Variants in TOR1AIP1 observed in about 807,000 individuals in gnomAD.
TOR1AIP1 encodes torsin-1A-interacting protein 1.
TOR1AIP1 carries 54 observed loss-of-function variants against 63.3 expected under a neutral mutation model. The observed-to-expected ratio is 0.85, with a 90% CI of 0.69 to 1.07. TOR1AIP1 has a LOEUF of 1.07. TOR1AIP1 is among the 50% of genes least tolerant of loss of function. The pLI is 0.00. For missense variants in TOR1AIP1, 736 were observed against 715.0 expected (o/e 1.03, Z -0.33); for synonymous variants, 294 against 273.5 (o/e 1.07, Z -0.74).
chr1:179,891,222 T>C (rs1648067001), intron 3 of TOR1AIP1, among the ~76,000 whole-genome samples: 2 of 152,094 alleles, frequency 1.3e-5, no homozygotes, highest in Non-Finnish European at 2.9e-5. Context: ...TTGATTTATT[T>C]TTTGTTTTTG....
At position 179,917,852 on chromosome 1, in the gene TOR1AIP1, T is replaced by A; in HGVS notation, c.1365T>A (p.Asp455Glu). ...CAGATAAAGCTACTCAAGACAGTGATACTGTCAAACTAGAGGTAGACCAAG... is the reference window on the plus strand; with the variant it reads ...CAGATAAAGCTACTCAAGACAGTGAAACTGTCAAACTAGAGGTAGACCAAG... Reference protein sequence around the residue: ...DGTDKATQDSDTVKLEVDQEL... With the variant: ...DGTDKATQDSETVKLEVDQEL... The change falls in exon 10 of 10, where the codon GAT (aspartate) becomes GAA (glutamate). Residue 455 changes from aspartate to glutamate, a missense_variant. Coordinates refer to ENST00000606911, the MANE Select transcript of TOR1AIP1 (RefSeq NM_015602.4). 1 of 1,614,200 alleles carries A rather than the reference T, an allele frequency of 6.2e-7. No individual in the cohort carries two copies. The highest frequency in any genetic ancestry group is 1.1e-5 in the South Asian group (1 of 91,080).
At chr1:179,890,911 C>T (rs1231990634) in intron 3 of TOR1AIP1, among the ~76,000 whole-genome samples, 2 of 152,226 alleles carry the variant, frequency 1.3e-5, no homozygotes, top group Admixed American at 6.5e-5. Context: ...TGCACAACTG[C>T]GCCCAACCCT....
intron 8 of TOR1AIP1, among the ~76,000 whole-genome samples, chr1:179,910,760 C>G (rs1373020076): frequency 6.6e-6 from 1 of 152,154 alleles, no homozygotes; most frequent in Admixed American, 6.5e-5. Flanking sequence ...TCAGAGGCAT[C>G]TTGTGTCATT....
At chr1:179,900,079 T>A (rs1420622341) in intron 3 of TOR1AIP1, 47 bp from the exon 4 acceptor site, 1 of 1,450,606 alleles carries the variant, frequency 6.9e-7, no homozygotes, top group Non-Finnish European at 9.6e-7. Context: ...AAGCTTTAAC[T>A]TTTGATGTTA....
intron 3 of TOR1AIP1, among the ~76,000 whole-genome samples, chr1:179,897,003 A>C (rs961828176): frequency 5.3e-5 from 8 of 152,210 alleles, no homozygotes; most frequent in African/African-American, 1.9e-4. Flanking sequence ...TTTAAGATCT[A>C]ATTCATAGAT....
chr1:179,914,382 A>G (rs1648926326), intron 9 of TOR1AIP1, among the ~76,000 whole-genome samples: 1 of 152,230 alleles, frequency 6.6e-6, no homozygotes, highest in African/African-American at 2.4e-5. Context: ...TGGGATTACA[A>G]TGGCTTTCGG....
intron 8 of TOR1AIP1, among the ~76,000 whole-genome samples, chr1:179,909,627 A>G (rs1473208899): frequency 6.6e-6 from 1 of 151,958 alleles, no homozygotes; most frequent in African/African-American, 2.4e-5. Context: ...TAGTAGAGAC[A>G]GGGTTTCACC....
Position 179,917,466 on chromosome 1 carries a change from C to T in TOR1AIP1, c.979C>T (p.Pro327Ser), listed in dbSNP as rs1425717250. Residue 327 changes from proline to serine, a missense_variant, in exon 10 of 10, where the codon CCC (proline) becomes TCC (serine). Physicochemically the swap from Pro to Ser is moderately conservative, Grantham distance 74. Around this residue, in one of 2 missense-constraint regions of TOR1AIP1, gnomAD observed 272 missense variants for 344.1 expected, o/e 0.79. Coordinates refer to ENST00000606911, the MANE Select transcript of TOR1AIP1 (RefSeq NM_015602.4). ...TGTCTGAGTAGAAGTGACTGGACAA[C>T]CCCAAAATGCATCTTTTGTCAAGAG... ...STSSRQVTGQ[P>S]QNASFVKRNR... 6.2e-7 allele frequency: 1 copy of T among 1,612,188 alleles called. No homozygotes were observed. Among genetic ancestry groups the T allele is most frequent in the East Asian group, 2.2e-5 (1 of 44,890 alleles).
intron 1 of TOR1AIP1, 127 bp from the exon 2 acceptor site, chr1:179,884,565 A>C: frequency 1.4e-6 from 1 of 694,936 alleles, no homozygotes; most frequent in Non-Finnish European, 2.3e-6. Context: ...AAACCTAACC[A>C]CCTGTTTCTA....
At position 179,917,660 on chromosome 1, in the gene TOR1AIP1, A is replaced by G; in HGVS notation, c.1173A>G (p.Gln391=). The change falls in exon 10 of 10, where the codon CAA becomes CAG. Residue 391 remains glutamine (Q), a synonymous_variant. Coordinates refer to ENST00000606911, the MANE Select transcript of TOR1AIP1 (RefSeq NM_015602.4). ...GQDEKLWKRS[Q]TFLEKHLNSS... is the part of the protein sequence containing the mutation. ...ATGAGAAGCTGTGGAAAAGGAGCCA[A>G]ACATTCCTGGAAAAACATCTTAATA... 3.1e-6 allele frequency: 5 copies of G among 1,614,224 alleles called. No individual in the cohort carries two copies. The highest frequency in any genetic ancestry group is 4.2e-6 in the Non-Finnish European group (5 of 1,180,044).
intron 9 of TOR1AIP1, among the ~76,000 whole-genome samples, chr1:179,915,527 G>A (rs945171120): frequency 3.3e-5 from 5 of 152,232 alleles, no homozygotes; most frequent in African/African-American, 7.2e-5. Flanking sequence ...AGGCCCAGGC[G>A]GATGGATCAC....
At chr1:179,896,256 T>G (rs1206770537) in intron 3 of TOR1AIP1, among the ~76,000 whole-genome samples, 2 of 152,300 alleles carry the variant, frequency 1.3e-5, no homozygotes, top group African/African-American at 4.8e-5. Context: ...TAAAATCTAT[T>G]TTATTCATGG....
chr1:179,911,184 G>A (rs933056035), intron 8 of TOR1AIP1, among the ~76,000 whole-genome samples: 2 of 152,194 alleles, frequency 1.3e-5, no homozygotes, highest in African/African-American at 2.4e-5. Context: ...AAGATAGAAC[G>A]ATGAGCAAGA....
intron 3 of TOR1AIP1, among the ~76,000 whole-genome samples, chr1:179,896,557 T>G: frequency 6.6e-6 from 1 of 151,948 alleles, no homozygotes; most frequent in East Asian, 1.9e-4. Context: ...TTTTTTTTTT[T>G]AAGTGCTGAA....
intron 5 of TOR1AIP1, among the ~76,000 whole-genome samples, chr1:179,901,680 C>T (rs1361836871): frequency 6.6e-6 from 1 of 152,112 alleles, no homozygotes; most frequent in African/African-American, 2.4e-5. Flanking sequence ...AGAAACTAAT[C>T]ACATTGCCAT....
chr1:179,885,714 A>G (rs1647891188), intron 2 of TOR1AIP1, among the ~76,000 whole-genome samples: 2 of 152,282 alleles, frequency 1.3e-5, no homozygotes, highest in South Asian at 4.1e-4. Context: ...TTGAGTTTCA[A>G]ATAAAAACAC....
rs1647740253 is a variant in TOR1AIP1, at chr1:179,882,570, C to G, written c.68C>G (p.Ala23Gly). The change falls in exon 1 of 10, where the codon GCC becomes GGC. Residue 23 changes from alanine (A) to glycine (G), a missense_variant. Around this residue, in one of 2 missense-constraint regions of TOR1AIP1, gnomAD observed 464 missense variants for 371.0 expected, o/e 1.25. Coordinates refer to ENST00000606911, the MANE Select transcript of TOR1AIP1 (RefSeq NM_015602.4). ...EGWGVYVTPR[A>G]PIREGRGRLA... ...TGGGGTGTGTACGTCACCCCCAGGG[C>G]CCCCATCCGAGAGGGAAGGGGCCGG... 1 of 1,515,800 alleles carries G rather than the reference C, an allele frequency of 6.6e-7. No individual in the cohort carries two copies. Among genetic ancestry groups the G allele is most frequent in the Non-Finnish European group, 8.8e-7 (1 of 1,135,934 alleles). 93.9% of individuals were successfully genotyped at this position (1,515,800 alleles called of 1,614,324 possible).
intron 2 of TOR1AIP1, 92 bp downstream of exon 2, chr1:179,884,861 A>G (rs1647867960): frequency 1.2e-5 from 11 of 952,054 alleles, no homozygotes; most frequent in Non-Finnish European, 1.7e-5. Context: ...TAAAGAAAAG[A>G]CAAGGGCAGA....
intron 7 of TOR1AIP1, 123 bp from the exon 8 acceptor site, chr1:179,908,482 C>A: frequency 2.7e-6 from 2 of 752,222 alleles, no homozygotes; most frequent in Non-Finnish European, 4.3e-6. Flanking sequence ...AAAACTATTG[C>A]TTTTATTGTT....
Sources: allele counts gnomAD v4.1 joint callset (sites outside exome capture counted in the v4.1 genomes callset), GRCh38; gene constraint gnomAD v4.1.1; regional missense constraint gnomAD v4.1.1; transcripts MANE v1.5; gene names NCBI Gene and HGNC (gene_info 2026-07-23, HGNC 2026-07-21).